The following TMEM245 variants were observed in gnomAD, a reference collection of about 807,000 sequenced individuals.
TMEM245 encodes protein CG-2.
A neutral mutation model predicts 101.2 loss-of-function variants in TMEM245; 69 were observed. The ratio of observed to expected loss-of-function variants is 0.68; its 90% CI spans 0.56 to 0.83. TMEM245 has a LOEUF of 0.83. TMEM245 is among the 40% of genes least tolerant of loss of function. TMEM245 has a pLI of 0.00. For missense variants in TMEM245, 1,075 were observed against 1,092.8 expected, an observed-to-expected ratio of 0.98 and a Z score of 0.23; for synonymous variants, 537 against 449.8, an observed-to-expected ratio of 1.19 and a Z score of -2.45.
chr9:109,018,283 C>CA lies in TMEM245; in HGVS notation c.*2176dup, dbSNP rs1437856776. 2 of 152,090 alleles carry CA rather than the reference C, an allele frequency of 1.3e-5. No homozygotes were observed. The highest frequency in any genetic ancestry group is 2.9e-5 in the Non-Finnish European group (2 of 68,018). 9.4% of individuals were successfully genotyped at this position (152,090 alleles called of 1,614,324 possible). ...CAAATGATTTTTTAGCCTTTTAATG[C>CA]AAAAAATTTAAATTTAGTATTACAT... On this transcript the variant is annotated 3_prime_UTR_variant, in exon 18 of 18. Coordinates refer to ENST00000374586, the MANE Select transcript of TMEM245 (RefSeq NM_032012.4).
chr9:109,019,722 T>C lies in TMEM245; in HGVS notation c.*738A>G, dbSNP rs569474599. On this transcript the variant is annotated 3_prime_UTR_variant, in exon 18 of 18. Coordinates refer to ENST00000374586, the MANE Select transcript of TMEM245 (RefSeq NM_032012.4). ...AAACCTAATAACAGCATGAATTTTA[T>C]CATACTGTTACCATTCATAGCAGCT... The C allele has an allele frequency of 6.5e-6, 1 of 152,772 alleles. No individual in the cohort carries two copies. Among genetic ancestry groups the C allele is most frequent in the South Asian group, 2.1e-4 (1 of 4,828 alleles). The allele number at this position is 152,772 out of a possible 1,614,324, so 9.5% of individuals were successfully genotyped here.
At chr9:109,091,730 A>AT (rs1244426888) in intron 4 of TMEM245, among the ~76,000 whole-genome samples, 1 of 152,196 alleles carries the variant, frequency 6.6e-6, no homozygotes, top group Non-Finnish European at 1.5e-5. Flanking sequence ...ACCATACTGG[A>AT]TTATTTCACA....
intron 6 of TMEM245, 150 bp downstream of exon 6, chr9:109,087,023 A>G (rs1209218792): frequency 1.5e-6 from 1 of 683,186 alleles, no homozygotes. Context: ...CCTTGTGTAA[A>G]CCATAATTTT....
intron 4 of TMEM245, 34 bp from the exon 5 acceptor site, chr9:109,091,189 T>A (rs1379018415): frequency 6.4e-7 from 1 of 1,567,830 alleles, no homozygotes; most frequent in Non-Finnish European, 8.7e-7. Flanking sequence ...ACACACCGCA[T>A]TAGTCCACAT....
In TMEM245 at chr9:109,119,633, A is replaced by G; in HGVS notation, c.281T>C (p.Leu94Pro). Residue 94 changes from leucine (L) to proline (P), a missense_variant, in exon 1 of 18, where the codon CTG becomes CCG. This residue lies in a region of TMEM245 where 808 missense variants were observed against 741.5 expected (regional missense o/e 1.09). Coordinates refer to ENST00000374586, the MANE Select transcript of TMEM245 (RefSeq NM_032012.4). Reference protein sequence around the residue: ...LLWAVLCGTFLHPFKSSLTRL... With the variant: ...LLWAVLCGTFPHPFKSSLTRL... ...CGTCAGCGAGCTCTTGAAGGGGTGC[A>G]GAAAAGTGCCGCATAGCACGGCCCA... 1.9e-6 allele frequency: 3 copies of G among 1,564,062 alleles called. No individual in the cohort carries two copies. Among genetic ancestry groups the G allele is most frequent in the Middle Eastern group, 1.7e-4 (1 of 5,954 alleles).
chr9:109,063,010 G>T (rs913936294), intron 10 of TMEM245, among the ~76,000 whole-genome samples: 2 of 152,112 alleles, frequency 1.3e-5, no homozygotes, highest in Non-Finnish European at 2.9e-5. Flanking sequence ...TGAAACACAA[G>T]TACTGTTGGT....
At chr9:109,021,070 C>T (rs1028107791) in intron 17 of TMEM245, among the ~76,000 whole-genome samples, 1 of 152,166 alleles carries the variant, frequency 6.6e-6, no homozygotes, top group Non-Finnish European at 1.5e-5. Context: ...ACAAGCTAAG[C>T]GAACAATGTT....
At chr9:109,052,459 G>A (rs1159712290) in intron 12 of TMEM245, among the ~76,000 whole-genome samples, 1 of 152,148 alleles carries the variant, frequency 6.6e-6, no homozygotes, top group Non-Finnish European at 1.5e-5. Context: ...AGCAGTTCTG[G>A]TTTTTGTCAT....
chr9:109,057,141 A>G (rs1159398366), intron 12 of TMEM245, 50 bp downstream of exon 12: 1 of 1,588,568 alleles, frequency 6.3e-7, no homozygotes, highest in African/African-American at 1.3e-5. Flanking sequence ...TTGGAATTAC[A>G]GTTTGTTTTT....
Position 109,056,530 on chromosome 9 carries a change from C to T in TMEM245, c.1854+661G>A, listed in dbSNP as rs574879949. Among the ~76,000 whole-genome samples the T allele has an allele frequency of 4.0e-5, 6 of 150,236 alleles. 1 individual carries two copies. The highest frequency in any genetic ancestry group is 9.8e-5 in the African/African-American group (4 of 40,642). On this transcript the variant is annotated intron_variant, in intron 12 of 17. Transcript: ENST00000374586. Reference sequence around the variant, plus strand: ...ACTTAGGAGGCTGAGGTAGGAGAATCGCTTGAACCCGGGAGGTGGAAATTG... The same window carrying T: ...ACTTAGGAGGCTGAGGTAGGAGAATTGCTTGAACCCGGGAGGTGGAAATTG...
intron 12 of TMEM245, among the ~76,000 whole-genome samples, chr9:109,055,202 AAAC>A (rs1828796334): frequency 6.6e-6 from 1 of 152,238 alleles, no homozygotes; most frequent in Non-Finnish European, 1.5e-5. Flanking sequence ...AAACAAAACA[AAAC>A]AAAAAGGGAT....
At chr9:109,070,667 TCTA>T (rs1829305130) in intron 9 of TMEM245, among the ~76,000 whole-genome samples, 7 of 152,190 alleles carry the variant, frequency 4.6e-5, no homozygotes, top group Non-Finnish European at 1.0e-4. Flanking sequence ...ATTCTACTTC[TCTA>T]CTTATATCCT....
At chr9:109,092,519 T>C (rs1173787053) in intron 4 of TMEM245, among the ~76,000 whole-genome samples, 1 of 152,258 alleles carries the variant, frequency 6.6e-6, no homozygotes, top group Non-Finnish European at 1.5e-5. Context: ...GGAAACTTCA[T>C]GATGGTGGGT....
chr9:109,064,743 C>T (rs1301453498), intron 9 of TMEM245, among the ~76,000 whole-genome samples, 176 bp from the exon 10 acceptor site: 2 of 152,190 alleles, frequency 1.3e-5, no homozygotes, highest in Admixed American at 1.3e-4. Flanking sequence ...AAGTCTCTAA[C>T]ATTCAGGATG....
intron 3 of TMEM245, among the ~76,000 whole-genome samples, chr9:109,101,817 A>G (rs1433548777): frequency 1.3e-5 from 2 of 152,200 alleles, no homozygotes; most frequent in Non-Finnish European, 2.9e-5. Context: ...ATAATCGACC[A>G]TGGTCTTCTT....
At chr9:109,088,991 A>G (rs1285383314) in intron 5 of TMEM245, among the ~76,000 whole-genome samples, 3 of 151,970 alleles carry the variant, frequency 2.0e-5, no homozygotes, top group Non-Finnish European at 4.4e-5. Context: ...AACCACATAT[A>G]GGCCGGGGAC....
At chr9:109,080,804 G>A in intron 8 of TMEM245, 35 bp downstream of exon 8, 1 of 1,295,284 alleles carries the variant, frequency 7.7e-7, no homozygotes. Context: ...ACAATTAAGG[G>A]TTTATTAATG....
At chr9:109,097,037 G>A (rs1830159522) in intron 3 of TMEM245, among the ~76,000 whole-genome samples, 1 of 152,234 alleles carries the variant, frequency 6.6e-6, no homozygotes, top group Non-Finnish European at 1.5e-5. Flanking sequence ...TAAAGTAAGT[G>A]TAAACTGTTA....
At chr9:109,092,441 A>C (rs1830032970) in intron 4 of TMEM245, among the ~76,000 whole-genome samples, 1 of 152,260 alleles carries the variant, frequency 6.6e-6, no homozygotes, top group South Asian at 2.1e-4. Flanking sequence ...TTAAAAGTGC[A>C]GGGCTAAAGC....
Sources: gnomAD v4.1 joint callset for allele counts (sites outside exome capture counted in the v4.1 genomes callset) on GRCh38, gnomAD v4.1.1 for gene constraint, gnomAD v4.1.1 regional missense constraint, MANE v1.5 for transcripts, NCBI Gene and HGNC (gene_info 2026-07-23, HGNC 2026-07-21) for gene names.